Variants in C2CD5 observed in about 807,000 individuals in gnomAD.
C2CD5 encodes the protein C2 calcium dependent domain containing 5.
Under a neutral mutation model 130.3 loss-of-function variants are expected in C2CD5, and 109 were observed. That is an observed-to-expected ratio of 0.84 (90% CI 0.72 to 0.98). The LOEUF (loss-of-function observed/expected upper bound fraction) is 0.98. Among genes scored for constraint, C2CD5 ranks in the 50% least tolerant of loss-of-function variants. C2CD5 has a pLI of 0.00. For synonymous variants in C2CD5, 454 were observed against 429.2 expected (o/e 1.06, Z -0.71); for missense variants, 996 against 1,261.8 (o/e 0.79, Z 3.19).
At chr12:22,477,725 G>T (rs1453315498) in intron 15 of C2CD5, among the ~76,000 whole-genome samples, 1 of 151,992 alleles carries the variant, frequency 6.6e-6, no homozygotes, top group East Asian at 1.9e-4. Flanking sequence ...AGGCAGCATT[G>T]TGATACTTAT....
intron 22 of C2CD5, among the ~76,000 whole-genome samples, chr12:22,465,307 TA>T (rs1301634983): frequency 1.3e-5 from 2 of 152,170 alleles, no homozygotes; most frequent in Admixed American, 1.3e-4. Flanking sequence ...CAACGGTATT[TA>T]AAACTAAAAT....
rs747668792 is a variant in C2CD5, at chr12:22,458,478, G to A, written c.2686+6C>T. ...TTATCATAATGTGGTAGAAACATCC[G>A]CCTACTTGTCTTAATTGATCCACGC... On this transcript the variant is annotated splice_donor_region_variant and intron_variant, in intron 24 of 26. Coordinates refer to ENST00000446597, the MANE Select transcript of C2CD5 (RefSeq NM_001286176.2). 2.1e-5 allele frequency: 25 copies of A among 1,213,272 alleles called. No individual in the cohort carries two copies. Among genetic ancestry groups the A allele is most frequent in the African/African-American group, 6.2e-5 (4 of 64,160 alleles). The allele number at this position is 1,213,272 out of a possible 1,614,324, so 75.2% of individuals were successfully genotyped here.
At chr12:22,484,612 A>G in intron 13 of C2CD5, 85 bp downstream of exon 13, 3 of 649,200 alleles carry the variant, frequency 4.6e-6, no homozygotes, top group Non-Finnish European at 7.5e-6. Context: ...GGTAGGAAAC[A>G]GTAAAGCTGA....
chr12:22,471,021 G>C, intron 20 of C2CD5, 110 bp from the exon 21 acceptor site: 2 of 659,246 alleles, frequency 3.0e-6, no homozygotes, highest in South Asian at 3.9e-5. Flanking sequence ...ACCTTTTCTG[G>C]TTAAAATCCT....
At chr12:22,468,370 C>G (rs1277723183) in intron 22 of C2CD5, among the ~76,000 whole-genome samples, 3 of 152,078 alleles carry the variant, frequency 2.0e-5, no homozygotes, top group African/African-American at 7.2e-5. Flanking sequence ...AGGTGCACAC[C>G]ACCACATGCA....
intron 15 of C2CD5, among the ~76,000 whole-genome samples, chr12:22,477,781 A>G (rs2136246260): frequency 6.6e-6 from 1 of 152,302 alleles, no homozygotes; most frequent in East Asian, 1.9e-4. Context: ...ACTGGGAGCA[A>G]ATTTGTAAAA....
At chr12:22,520,869 T>G (rs1950208966) in intron 7 of C2CD5, among the ~76,000 whole-genome samples, 1 of 152,030 alleles carries the variant, frequency 6.6e-6, no homozygotes, top group South Asian at 2.1e-4. Context: ...AACACACCAT[T>G]AATGTAGGTA....
chr12:22,488,300 A>C (rs1007586558), intron 12 of C2CD5, among the ~76,000 whole-genome samples: 4 of 152,222 alleles, frequency 2.6e-5, no homozygotes, highest in Non-Finnish European at 5.9e-5. Context: ...AAGACGTAGG[A>C]AATCTTACAA....
intron 10 of C2CD5, among the ~76,000 whole-genome samples, chr12:22,501,705 T>C (rs539721937): frequency 1.3e-5 from 2 of 152,130 alleles, no homozygotes; most frequent in Non-Finnish European, 2.9e-5. Context: ...TCTGTAAATG[T>C]TGGACTTATC....
intron 2 of C2CD5, among the ~76,000 whole-genome samples, chr12:22,540,938 AAGG>A (rs760234739): frequency 3.9e-5 from 6 of 152,228 alleles, no homozygotes; most frequent in Admixed American, 2.0e-4. Context: ...TTTTAATTGT[AAGG>A]ATATATTAAC....
intron 3 of C2CD5, among the ~76,000 whole-genome samples, chr12:22,533,867 T>C (rs1951552049): frequency 6.6e-6 from 1 of 152,200 alleles, no homozygotes; most frequent in Non-Finnish European, 1.5e-5. Flanking sequence ...ACTGAATTTC[T>C]ACATGCATGA....
At chr12:22,504,179 T>A (rs1382223208) in intron 10 of C2CD5, among the ~76,000 whole-genome samples, 1 of 152,008 alleles carries the variant, frequency 6.6e-6, no homozygotes, top group Non-Finnish European at 1.5e-5. Flanking sequence ...TTTTTTTAAG[T>A]AGTGACATTT....
At chr12:22,507,889 T>C (rs139514017) in intron 9 of C2CD5, among the ~76,000 whole-genome samples, 15 of 152,340 alleles carry the variant, frequency 9.8e-5, no homozygotes, top group African/African-American at 2.9e-4. Flanking sequence ...CCACAGATCA[T>C]ATTCATACTA....
At chr12:22,458,418 T>C in intron 24 of C2CD5, 66 bp downstream of exon 24, 1 of 717,040 alleles carries the variant, frequency 1.4e-6, no homozygotes. Flanking sequence ...AGGTCTAGCT[T>C]TCACCACTGG....
At chr12:22,537,381 G>A (rs1160237101) in intron 2 of C2CD5, among the ~76,000 whole-genome samples, 3 of 152,160 alleles carry the variant, frequency 2.0e-5, no homozygotes, top group African/African-American at 7.2e-5. Context: ...AACAGAGCAA[G>A]ACCCAGTCTT....
At chr12:22,450,558 TATACA>T in intron 26 of C2CD5, among the ~76,000 whole-genome samples, 1 of 152,042 alleles carries the variant, frequency 6.6e-6, no homozygotes, top group African/African-American at 2.4e-5. Context: ...CAAAATGATA[TATACA>T]ATATAAAATC....
At chr12:22,530,335 AACT>A (rs1382967678) in intron 3 of C2CD5, among the ~76,000 whole-genome samples, 1 of 150,988 alleles carries the variant, frequency 6.6e-6, no homozygotes, top group Admixed American at 6.6e-5. Flanking sequence ...TGCAATTAAC[AACT>A]GATAAACAGG....
chr12:22,525,653 TA>T lies in C2CD5; in HGVS notation c.401del (p.Leu134Ter). Reference protein sequence around the residue: ...VVVKVDLFNDLNRFRQSSCGV... With the variant: ...VVVKVDLFNDXNRFRQSSCGV... Reference sequence around the variant, plus strand: ...CACATGATGACTGCCTAAATCGATTTAAATCATTGAAGAGGTCTACTTTGAC... The same window carrying T: ...CACATGATGACTGCCTAAATCGATTTAATCATTGAAGAGGTCTACTTTGAC... On this transcript the variant is annotated frameshift_variant, in exon 5 of 27. Transcript: ENST00000446597. LOFTEE classifies it high-confidence loss of function. 7 of 1,592,650 alleles carry T rather than the reference TA, an allele frequency of 4.4e-6. No individual in the cohort carries two copies. Among genetic ancestry groups the T allele is most frequent in the Non-Finnish European group, 6.0e-6 (7 of 1,160,856 alleles).
chr12:22,461,417 G>A (rs1941133017), intron 22 of C2CD5, among the ~76,000 whole-genome samples: 1 of 152,088 alleles, frequency 6.6e-6, no homozygotes, highest in African/African-American at 2.4e-5. Flanking sequence ...TGAGTAATAT[G>A]GAATTCCCTA....
Sources: allele counts gnomAD v4.1 joint callset (sites outside exome capture counted in the v4.1 genomes callset), GRCh38; gene constraint gnomAD v4.1.1; transcripts MANE v1.5; gene names NCBI Gene and HGNC (gene_info 2026-07-23, HGNC 2026-07-21).